Variants in PCNX1 observed in about 807,000 individuals in gnomAD.
PCNX1 encodes pecanex-like protein 1.
Under a neutral mutation model 242.2 loss-of-function variants are expected in PCNX1, and 78 were observed. The ratio of observed to expected loss-of-function variants is 0.32; its 90% CI spans 0.27 to 0.39. The LOEUF (loss-of-function observed/expected upper bound fraction) is 0.39. Among genes scored for constraint, PCNX1 ranks in the 10% least tolerant of loss-of-function variants. The pLI is 1.00. For synonymous variants in PCNX1, 1,024 were observed against 1,032.9 expected, an observed-to-expected ratio of 0.99 and a Z score of 0.17; for missense variants, 2,581 against 2,856.5, an observed-to-expected ratio of 0.90 and a Z score of 2.20.
At chr14:71,102,330 G>A (rs2062486031) in intron 31 of PCNX1, 110 bp downstream of exon 31, 1 of 696,926 alleles carries the variant, frequency 1.4e-6, no homozygotes, top group African/African-American at 1.8e-5. Flanking sequence ...CTGGAATACA[G>A]TGGCATGATC....
chr14:71,041,393 T>C (rs1002583608), intron 19 of PCNX1, among the ~76,000 whole-genome samples: 14 of 152,152 alleles, frequency 9.2e-5, no homozygotes, highest in Non-Finnish European at 1.5e-4. Context: ...TATTGGTCTG[T>C]TCAGCTTTTG....
Position 70,976,997 on chromosome 14 carries a change from T to C in PCNX1, c.660T>C (p.Ser220=). The change falls in exon 6 of 36, where the codon TCT becomes TCC. Residue 220 remains serine (S), a synonymous_variant. Transcript: ENST00000304743. ...TTGTCTCCAATGACTCCTTCATCTC[T>C]ATTCAGCCTTCCTTATCCTCTTGTG... ...FRLVSNDSFI[S]IQPSLSSCGQ... The C allele has an allele frequency of 6.2e-7, 1 of 1,612,494 alleles. No individual in the cohort carries two copies. Among genetic ancestry groups the C allele is most frequent in the Non-Finnish European group, 8.5e-7 (1 of 1,178,506 alleles).
At chr14:71,103,846 T>C (rs1328372179) in intron 32 of PCNX1, among the ~76,000 whole-genome samples, 177 bp downstream of exon 32, 1 of 152,226 alleles carries the variant, frequency 6.6e-6, no homozygotes, top group African/African-American at 2.4e-5. Context: ...CAAAATCTTA[T>C]TAGATAAATC....
intron 3 of PCNX1, among the ~76,000 whole-genome samples, chr14:70,967,891 A>G (rs1271095166): frequency 6.6e-6 from 1 of 152,162 alleles, no homozygotes; most frequent in African/African-American, 2.4e-5. Context: ...TAGTATAAAA[A>G]TGATAATTGT....
At position 71,013,050 on chromosome 14, in the gene PCNX1, G is replaced by A; in HGVS notation, c.2844G>A (p.Gln948=). The change falls in exon 11 of 36, where the codon CAG becomes CAA. Residue 948 remains glutamine (Q), a synonymous_variant. Transcript: ENST00000304743. ...LTIDTDLLEQ[Q]DIDLSPDLAA... ...TTGATACAGATTTGTTGGAGCAACA[G>A]GACATTGATCTAAGCCCTGACTTGG... 6.2e-7 allele frequency: 1 copy of A among 1,614,128 alleles called. No individual in the cohort carries two copies.
chr14:71,054,162 G>T, intron 24 of PCNX1, among the ~76,000 whole-genome samples: 1 of 152,138 alleles, frequency 6.6e-6, no homozygotes, highest in East Asian at 1.9e-4. Context: ...CCAAGAAATG[G>T]GAGCTTCTTA....
chr14:71,092,451 T>A (rs576495022), intron 30 of PCNX1: 1 of 152,348 alleles, frequency 6.6e-6, no homozygotes, highest in South Asian at 2.1e-4. Flanking sequence ...GATGGCTTGA[T>A]AATTTTAGAA....
chr14:71,075,327 C>T (rs1327037755), intron 27 of PCNX1, among the ~76,000 whole-genome samples: 17 of 152,050 alleles, frequency 1.1e-4, no homozygotes, highest in Admixed American at 1.1e-3. Flanking sequence ...CCTCTCCTCA[C>T]GACCTTATTT....
intron 8 of PCNX1, among the ~76,000 whole-genome samples, chr14:71,004,573 T>C (rs969571334): frequency 2.0e-5 from 3 of 152,170 alleles, no homozygotes; most frequent in African/African-American, 7.2e-5. Flanking sequence ...CCTGGATCCA[T>C]AGGAAAGTTA....
chr14:70,910,527 A>C (rs1594867530), intron 1 of PCNX1, among the ~76,000 whole-genome samples: 4 of 151,594 alleles, frequency 2.6e-5, no homozygotes, highest in Non-Finnish European at 1.5e-5. Flanking sequence ...TGTCTGGATG[A>C]CTCCTCTTTT....
chr14:71,107,957 G>A (rs950200193), intron 33 of PCNX1, among the ~76,000 whole-genome samples: 3 of 152,084 alleles, frequency 2.0e-5, no homozygotes, highest in Non-Finnish European at 4.4e-5. Flanking sequence ...ACTTCTTTGT[G>A]ATAAGAATGT....
intron 31 of PCNX1, 69 bp downstream of exon 31, chr14:71,102,289 T>A (rs1398693287): frequency 8.5e-7 from 1 of 1,183,238 alleles, no homozygotes; most frequent in East Asian, 2.4e-5. Flanking sequence ...AATTTTTTTT[T>A]TTTGAGACAG....
chr14:71,053,289 TGA>T, intron 24 of PCNX1: 1 of 453,102 alleles, frequency 2.2e-6, no homozygotes. Flanking sequence ...TTTCTTTTTT[TGA>T]GACAGAGTTT....
At chr14:70,917,377 T>C (rs2056192360) in intron 1 of PCNX1, among the ~76,000 whole-genome samples, 2 of 152,214 alleles carry the variant, frequency 1.3e-5, no homozygotes, top group African/African-American at 4.8e-5. Context: ...ATTTCTTAAA[T>C]ACTAAGACTT....
chr14:70,940,917 G>A (rs989181980), intron 1 of PCNX1, among the ~76,000 whole-genome samples: 11 of 151,854 alleles, frequency 7.2e-5, no homozygotes, highest in South Asian at 4.2e-4. Flanking sequence ...TGATCGAATC[G>A]GCTACTGAAG....
At chr14:71,028,180 A>G (rs1376786618) in intron 15 of PCNX1, among the ~76,000 whole-genome samples, 2 of 151,848 alleles carry the variant, frequency 1.3e-5, no homozygotes, top group Admixed American at 6.6e-5. Context: ...TACAGTGTCT[A>G]AAGTATCTGT....
In PCNX1 at chr14:71,013,054, A is replaced by G. The variant is rs748985611; in HGVS notation, c.2848A>G (p.Ile950Val). ...IDTDLLEQQD[I>V]DLSPDLAATY... ...TACAGATTTGTTGGAGCAACAGGAC[A>G]TTGATCTAAGCCCTGACTTGGCAGC... The change falls in exon 11 of 36, where the codon ATT becomes GTT. Residue 950 changes from isoleucine to valine, a missense_variant. Around this residue, in one of 9 missense-constraint regions of PCNX1, gnomAD observed 1,204 missense variants for 1,216.7 expected, o/e 0.99. Coordinates refer to ENST00000304743, the MANE Select transcript of PCNX1 (RefSeq NM_014982.3). 1.6e-5 allele frequency: 26 copies of G among 1,614,006 alleles called. No homozygotes were observed. In the Admixed American group the frequency reaches 3.8e-4, roughly 24 times the overall value.
At chr14:70,991,374 T>A (rs1595161432) in intron 7 of PCNX1, among the ~76,000 whole-genome samples, 2 of 152,026 alleles carry the variant, frequency 1.3e-5, no homozygotes, top group Non-Finnish European at 2.9e-5. Flanking sequence ...CCAGCTAATT[T>A]TTTGGATTTT....
Position 71,045,166 on chromosome 14 carries a change from G to A in PCNX1, c.3901G>A (p.Gly1301Ser), listed in dbSNP as rs1043636949. ...ALKYVLYTLV[G>S]FVGFVTHYVL... ...CAAGTATGTGTTGTATACATTGGTT[G>A]GCTTTGTGGGTTTTGTAACCCATTA... Residue 1301 changes from glycine to serine, a missense_variant, in exon 20 of 36, where the codon GGC becomes AGC. Physicochemically the swap from Gly to Ser is moderately conservative, Grantham distance 56 (BLOSUM62 0). This residue lies in a region of PCNX1 where 432 missense variants were observed against 443.1 expected (regional missense o/e 0.97). Transcript: ENST00000304743. The A allele has an allele frequency of 1.2e-6, 2 of 1,612,006 alleles. No homozygotes were observed. The highest frequency in any genetic ancestry group is 1.7e-6 in the Non-Finnish European group (2 of 1,179,040).
Sources: allele counts gnomAD v4.1 joint callset (sites outside exome capture counted in the v4.1 genomes callset), GRCh38; gene constraint gnomAD v4.1.1; regional missense constraint gnomAD v4.1.1; transcripts MANE v1.5; gene names NCBI Gene and HGNC (gene_info 2026-07-23, HGNC 2026-07-21).